Variants in SLC6A16 observed in about 807,000 individuals in gnomAD.
SLC6A16 encodes solute carrier family 6 member 16.
In SLC6A16, 54 loss-of-function variants were observed where a neutral mutation model predicts 65.4. The ratio of observed to expected loss-of-function variants is 0.83; its 90% CI spans 0.66 to 1.04. SLC6A16 has a LOEUF of 1.04. Among genes scored for constraint, SLC6A16 ranks in the 50% least tolerant of loss-of-function variants. The pLI is 0.00. For missense variants in SLC6A16, 816 were observed against 914.0 expected (o/e 0.89, Z 1.38); for synonymous variants, 330 against 346.5 (o/e 0.95, Z 0.53).
chr19:49,315,972 A>G (rs1970607535), intron 1 of SLC6A16, among the ~76,000 whole-genome samples: 1 of 152,168 alleles, frequency 6.6e-6, no homozygotes, highest in Admixed American at 6.6e-5. Flanking sequence ...CAAGGGGAAT[A>G]AAAGACAAAG....
At chr19:49,325,454 T>C (rs1290457563), upstream of SLC6A16, among the ~76,000 whole-genome samples, 1 of 152,236 alleles carries the variant, frequency 6.6e-6, no homozygotes, top group Non-Finnish European at 1.5e-5. Context: ...GCACTTTGCT[T>C]CCACTTCATG....
rs769340137 is a variant in SLC6A16, at chr19:49,310,423, C to G, written c.503G>C (p.Arg168Pro). 4 of 1,614,038 alleles carry G rather than the reference C, an allele frequency of 2.5e-6. No homozygotes were observed. The highest frequency in any genetic ancestry group is 3.4e-6 in the Non-Finnish European group (4 of 1,180,028). ...FLEMAAGQSM[R>P]QGGMGVWKII... Reference sequence around the variant, plus strand: ...CTTCCATACACCCATGCCACCCTGACGCATGCTCTGACCAGCTGCCATCTC... The same window carrying G: ...CTTCCATACACCCATGCCACCCTGAGGCATGCTCTGACCAGCTGCCATCTC... The change falls in exon 3 of 12, where the codon CGT becomes CCT. Residue 168 changes from arginine (R) to proline (P), a missense_variant. Transcript: ENST00000335875.
upstream of SLC6A16, among the ~76,000 whole-genome samples, chr19:49,328,027 C>G (rs1970815559): frequency 6.6e-6 from 1 of 151,928 alleles, no homozygotes; most frequent in South Asian, 2.1e-4. Flanking sequence ...GAGATGAAAG[C>G]TATTTGAGGG....
chr19:49,293,016 T>C (rs1233144277), intron 10 of SLC6A16: 6 of 517,604 alleles, frequency 1.2e-5, no homozygotes, highest in Non-Finnish European at 2.0e-5. Context: ...AATGCCCCTA[T>C]CCCTGATGAC....
At chr19:49,324,931 C>A (rs2146186979) in intron 1 of SLC6A16, 117 bp downstream of exon 1, 1 of 574,286 alleles carries the variant, frequency 1.7e-6, no homozygotes. Context: ...AGGCTCCCAG[C>A]CAGTCACCTG....
chr19:49,329,890 C>T (rs577887040), upstream of SLC6A16, among the ~76,000 whole-genome samples: 1 of 152,212 alleles, frequency 6.6e-6, no homozygotes, highest in South Asian at 2.1e-4. Flanking sequence ...GCCTCGGCCT[C>T]CCAAAGTGCT....
upstream of SLC6A16, chr19:49,325,215 C>T (rs1177477583): frequency 3.2e-5 from 32 of 985,226 alleles, no homozygotes; most frequent in Non-Finnish European, 3.6e-5. Flanking sequence ...CCTTTCCCGC[C>T]GATTCTCTGC....
chr19:49,337,674 A>AG, the SLC6A16 span: 1 of 1,524,608 alleles, frequency 6.6e-7, no homozygotes, highest in Non-Finnish European at 8.8e-7. Flanking sequence ...ACAGCTCCAA[A>AG]GGGAAACACA....
chr19:49,337,238 G>A, the SLC6A16 span: 1 of 1,611,292 alleles, frequency 6.2e-7, no homozygotes, highest in South Asian at 1.1e-5. Flanking sequence ...TTCCTGCAGT[G>A]GCCACCACCC....
intron 1 of SLC6A16, among the ~76,000 whole-genome samples, chr19:49,316,130 G>A (rs1970609775): frequency 6.6e-6 from 1 of 152,032 alleles, no homozygotes; most frequent in Non-Finnish European, 1.5e-5. Flanking sequence ...GTCTATGCTT[G>A]CAATACATAA....
upstream of SLC6A16, among the ~76,000 whole-genome samples, chr19:49,330,195 A>C (rs1490690365): frequency 6.6e-6 from 1 of 151,948 alleles, no homozygotes; most frequent in Non-Finnish European, 1.5e-5. Flanking sequence ...AAAGTACTGG[A>C]GTGTGCAGGA....
chr19:49,293,413 T>C, intron 9 of SLC6A16, 31 bp from the exon 10 acceptor site: 1 of 1,611,562 alleles, frequency 6.2e-7, no homozygotes, highest in Middle Eastern at 1.7e-4. Context: ...GGATCAAGGT[T>C]AGAAGTCACG....
the SLC6A16 span, among the ~76,000 whole-genome samples, chr19:49,330,996 A>T: frequency 6.6e-6 from 1 of 152,026 alleles, no homozygotes; most frequent in Non-Finnish European, 1.5e-5. Context: ...CTGATTGAGC[A>T]GGTATATTCG....
In SLC6A16 at chr19:49,309,361, GAAGAA is replaced by G; in HGVS notation, c.922_926del (p.Phe308HisfsTer40). The stretch of plus-strand genomic sequence containing the variant: ...CCCCTTCCAGGAGTAGAGTCCGGAT[GAAGAA>G]ACCGACAATGATGAAACAGGGGAGC... On this transcript the variant is annotated frameshift_variant, in exon 6 of 12. Transcript: ENST00000335875. LOFTEE classifies it high-confidence loss of function. The G allele has an allele frequency of 6.2e-7, 1 of 1,614,150 alleles. No individual in the cohort carries two copies. The highest frequency in any genetic ancestry group is 1.1e-5 in the South Asian group (1 of 91,084).
chr19:49,313,444 C>T (rs1445863221), intron 1 of SLC6A16, among the ~76,000 whole-genome samples: 1 of 151,980 alleles, frequency 6.6e-6, no homozygotes, highest in African/African-American at 2.4e-5. Context: ...GCATTACAGG[C>T]ACAAGCCACC....
chr19:49,309,015 T>C lies in SLC6A16; in HGVS notation c.1090A>G (p.Met364Val), dbSNP rs947265293. The C allele has an allele frequency of 8.7e-6, 14 of 1,613,922 alleles. No individual in the cohort carries two copies. Among genetic ancestry groups the C allele is most frequent in the Non-Finnish European group, 1.2e-5 (14 of 1,179,950 alleles). ...CTGAGACAGTTGTTGGACTGGGGCA[T>C]GTAGGAGGCTAAGGAGGCAACGGAG... ...LGSVASLASY[M>V]PQSNNCLSDA... The change falls in exon 7 of 12, where the codon ATG (methionine) becomes GTG (valine). Residue 364 changes from methionine to valine, a missense_variant. Coordinates refer to ENST00000335875, the MANE Select transcript of SLC6A16 (RefSeq NM_014037.3).
the SLC6A16 span, chr19:49,336,948 T>C: frequency 6.2e-7 from 1 of 1,614,212 alleles, no homozygotes; most frequent in South Asian, 1.1e-5. Flanking sequence ...TCCAAAGTCC[T>C]GGCCATCTCA....
upstream of SLC6A16, among the ~76,000 whole-genome samples, chr19:49,326,024 G>T (rs1322491386): frequency 1.3e-5 from 2 of 151,400 alleles, no homozygotes; most frequent in East Asian, 1.9e-4. Context: ...AAAAAAATTA[G>T]CCGGGCGTGG....
the SLC6A16 span, chr19:49,339,241 A>G: frequency 8.5e-7 from 1 of 1,177,620 alleles, no homozygotes; most frequent in Non-Finnish European, 1.2e-6. The surrounding 1 kb of genome is among the most constrained non-coding windows in gnomAD (Gnocchi z 4.5). Flanking sequence ...AGATGCCTGA[A>G]GACGGTGAGG....
Sources: allele counts gnomAD v4.1 joint callset (sites outside exome capture counted in the v4.1 genomes callset), GRCh38; gene constraint gnomAD v4.1.1; non-coding constraint Gnocchi (gnomAD v3.1); transcripts MANE v1.5; gene names NCBI Gene and HGNC (gene_info 2026-07-23, HGNC 2026-07-21).